Variants in PHLDB1 observed in about 807,000 individuals in gnomAD.
The protein encoded by PHLDB1 is pleckstrin homology-like domain family B member 1.
A neutral mutation model predicts 139.3 loss-of-function variants in PHLDB1; 65 were observed. The observed-to-expected ratio is 0.47, with a 90% CI of 0.38 to 0.57. The LOEUF (loss-of-function observed/expected upper bound fraction) is 0.57. PHLDB1 is among the 20% of genes least tolerant of loss of function. The probability of loss-of-function intolerance (pLI) is 0.00; values close to 1 mark genes in which losing one functional copy is unlikely to be tolerated. For missense variants in PHLDB1, 1,624 were observed against 1,839.7 expected, an observed-to-expected ratio of 0.88 and a Z score of 2.14; for synonymous variants, 679 against 734.5, an observed-to-expected ratio of 0.92 and a Z score of 1.22.
At chr11:118,624,458 GGTGTGGACT>G (rs1359738474) in intron 4 of PHLDB1, 2 of 177,550 alleles carry the variant, frequency 1.1e-5, no homozygotes, top group Non-Finnish European at 2.4e-5. Context: ...GGCAAGGTCA[GGTGTGGACT>G]GTGTGGACTC....
chr11:118,642,240 A>G lies in PHLDB1; in HGVS notation c.2737-14A>G, dbSNP rs781939460. On this transcript the variant is annotated splice_polypyrimidine_tract_variant and intron_variant, in intron 12 of 22. Coordinates refer to ENST00000600882, the MANE Select transcript of PHLDB1 (RefSeq NM_001144758.3). ...CCTCCTGTCCCCTTTTCCCCTCCCC[A>G]TTCCCACCTCCAGATGGAGAAGCTG... The G allele has an allele frequency of 1.2e-6, 2 of 1,603,142 alleles. No individual in the cohort carries two copies. Among genetic ancestry groups the G allele is most frequent in the East Asian group, 4.5e-5 (2 of 44,692 alleles).
At chr11:118,656,582 T>G in intron 22 of PHLDB1, 101 bp from the exon 23 acceptor site, 1 of 1,188,968 alleles carries the variant, frequency 8.4e-7, no homozygotes, top group Non-Finnish European at 1.2e-6. Flanking sequence ...CTCCAGGGCT[T>G]TCTAGGGGCT....
In PHLDB1 at chr11:118,632,497, G is replaced by T. The variant is rs560419586; in HGVS notation, c.2379+201G>T. The T allele has an allele frequency of 6.2e-5, 39 of 624,616 alleles. No individual in the cohort carries two copies. In the African/African-American group the frequency reaches 6.8e-4, roughly 11 times the overall value. 38.7% of individuals were successfully genotyped at this position (624,616 alleles called of 1,614,324 possible). ...GGAGGGCACTGCCAGGGGCTGGGCT[G>T]GTGTCTGGGGTCTCCTCTGTCTGGG... On this transcript the variant is annotated intron_variant, in intron 9 of 22. Coordinates refer to ENST00000600882, the MANE Select transcript of PHLDB1 (RefSeq NM_001144758.3). The surrounding 1 kb of genome is among the most constrained non-coding windows in gnomAD (Gnocchi z 5.9).
intron 5 of PHLDB1, among the ~76,000 whole-genome samples, chr11:118,626,621 G>A (rs1406301409): frequency 6.6e-6 from 1 of 151,980 alleles, no homozygotes; most frequent in Non-Finnish European, 1.5e-5. Flanking sequence ...GACCTCAGGT[G>A]ATACATCCAT....
Position 118,607,671 on chromosome 11 carries a change from G to A in PHLDB1, c.-50G>A, listed in dbSNP as rs1229521274. 7.0e-6 allele frequency: 1 copy of A among 143,260 alleles called. No individual in the cohort carries two copies. Among genetic ancestry groups the A allele is most frequent in the African/African-American group, 2.7e-5 (1 of 36,488 alleles). 8.9% of individuals were successfully genotyped at this position (143,260 alleles called of 1,614,324 possible). ...CGAGCCGAGCCAGGCTAAGGGACCAGTGTCTCCCTGCCCCCCCCCCACCTC... is the reference window on the plus strand; with the variant it reads ...CGAGCCGAGCCAGGCTAAGGGACCAATGTCTCCCTGCCCCCCCCCCACCTC... On this transcript the variant is annotated 5_prime_UTR_variant, in exon 1 of 23. In the 5' UTR this introduces an upstream ATG that the reference lacks. Coordinates refer to ENST00000600882, the MANE Select transcript of PHLDB1 (RefSeq NM_001144758.3).
At chr11:118,607,982 T>G (rs1939442878) in intron 1 of PHLDB1, among the ~76,000 whole-genome samples, 1 of 151,784 alleles carries the variant, frequency 6.6e-6, no homozygotes, top group African/African-American at 2.4e-5. Flanking sequence ...TTGGAGAAAC[T>G]CTGATCCTGG....
At chr11:118,613,105 A>C (rs2135716630) in intron 1 of PHLDB1, 1 of 156,984 alleles carries the variant, frequency 6.4e-6, no homozygotes, top group African/African-American at 2.4e-5. Flanking sequence ...TAGCCAATTA[A>C]GAACCCAAGA....
Position 118,628,578 on chromosome 11 carries a change from T to C in PHLDB1, c.1755T>C (p.Asn585=), listed in dbSNP as rs1944258601. The change falls in exon 6 of 23, where the codon AAT becomes AAC. Residue 585 remains asparagine (N), a synonymous_variant. Coordinates refer to ENST00000600882, the MANE Select transcript of PHLDB1 (RefSeq NM_001144758.3). ...ATAGCATCACAGAGATCAGTGACAA[T>C]GAGGACGACCTCCTGGAGTACCACC... ...RKNSITEISD[N]EDDLLEYHRR... 1 of 1,612,962 alleles carries C rather than the reference T, an allele frequency of 6.2e-7. No individual in the cohort carries two copies. The highest frequency in any genetic ancestry group is 8.5e-7 in the Non-Finnish European group (1 of 1,179,932).
intron 4 of PHLDB1, among the ~76,000 whole-genome samples, chr11:118,617,141 G>C (rs1281918743): frequency 1.3e-5 from 2 of 152,218 alleles, no homozygotes; most frequent in African/African-American, 4.8e-5. Context: ...GTAGCACTTT[G>C]ACAGACCAGG....
At position 118,645,934 on chromosome 11, in the gene PHLDB1, G is replaced by A; in HGVS notation, c.3507+109G>A. 1.3e-6 allele frequency: 1 copy of A among 776,590 alleles called. No homozygotes were observed. The allele number at this position is 776,590 out of a possible 1,614,324, so 48.1% of individuals were successfully genotyped here. On this transcript the variant is annotated intron_variant, in intron 17 of 22. Coordinates refer to ENST00000600882, the MANE Select transcript of PHLDB1 (RefSeq NM_001144758.3). This position sits in a 1 kb window ranked among gnomAD's most constrained non-coding sequence, Gnocchi z 5.1. ...AAGCCCTTCCACCCACATTAGCCTT[G>A]CCACATTCCCTTGGGGTAGAAAATG...
chr11:118,629,898 C>G (rs1410751382), intron 6 of PHLDB1: 1 of 654,832 alleles, frequency 1.5e-6, no homozygotes, highest in African/African-American at 1.9e-5. Flanking sequence ...CCTGACCTGC[C>G]TCACCTGCCA....
At chr11:118,641,715 G>A in intron 12 of PHLDB1, 1 of 1,289,778 alleles carries the variant, frequency 7.8e-7, no homozygotes. Flanking sequence ...CCCGGGACCT[G>A]GTTCCCACCA....
Position 118,627,901 on chromosome 11 carries a change from G to T in PHLDB1, c.1078G>T (p.Ala360Ser). The T allele has an allele frequency of 6.2e-7, 1 of 1,611,184 alleles. No homozygotes were observed. Among genetic ancestry groups the T allele is most frequent in the Middle Eastern group, 1.6e-4 (1 of 6,062 alleles). ...GCTGGGTGGGCAGCTGCCTGTGGTG[G>T]CCATCAGCCTGAGTGAATACCCAGC... The part of the protein sequence containing the change: ...PRLGGQLPVV[A>S]ISLSEYPASG... Residue 360 changes from alanine (A) to serine (S), a missense_variant, in exon 6 of 23, where the codon GCC becomes TCC. Ala to Ser is a moderately conservative substitution (Grantham distance 99). Transcript: ENST00000600882.
In PHLDB1 at chr11:118,610,011, A is replaced by T. The variant is rs1348540235; in HGVS notation, c.-22+2312A>T. 7.9e-6 allele frequency among the ~76,000 whole-genome samples: 1 copy of T among 127,138 alleles called. No homozygotes were observed. The highest frequency in any genetic ancestry group is 7.8e-5 in the Admixed American group (1 of 12,802). 83.4% of individuals were successfully genotyped at this position (127,138 alleles called of 152,430 possible). On this transcript the variant is annotated intron_variant, in intron 1 of 22. Coordinates refer to ENST00000600882, the MANE Select transcript of PHLDB1 (RefSeq NM_001144758.3). This position sits in a 1 kb window ranked among gnomAD's most constrained non-coding sequence, Gnocchi z 8.7. The stretch of plus-strand genomic sequence containing the variant: ...CCCCAGCCTCCCTCTCCTTCGCCCC[A>T]TCTCCCCGCCCGTCAGCCTCCCCTC...
At position 118,613,963 on chromosome 11, in the gene PHLDB1, T is replaced by C; in HGVS notation, c.60+67T>C. On this transcript the variant is annotated intron_variant, in intron 2 of 22. Coordinates refer to ENST00000600882, the MANE Select transcript of PHLDB1 (RefSeq NM_001144758.3). ...GGATGGGATCAGCTCTTCTACCCCC[T>C]TGTGGTCCCAGCCCAAGGATGAAAG... is the stretch of plus-strand genomic sequence containing the variant. 4 of 1,017,756 alleles carry C rather than the reference T, an allele frequency of 3.9e-6. No individual in the cohort carries two copies. The South Asian group carries it at 4.1e-5, about 10-fold the overall frequency. 63.0% of individuals were successfully genotyped at this position (1,017,756 alleles called of 1,614,324 possible). A position where few individuals can be genotyped will look rare whatever the true frequency, so the allele number is the denominator to read the frequency against.
chr11:118,628,255 C>A lies in PHLDB1; in HGVS notation c.1432C>A (p.Pro478Thr). 6.2e-7 allele frequency: 1 copy of A among 1,614,156 alleles called. No individual in the cohort carries two copies. The highest frequency in any genetic ancestry group is 8.5e-7 in the Non-Finnish European group (1 of 1,180,028). ...ALSPLPTRTT[P>T]DPKLNREVAE... The stretch of plus-strand genomic sequence containing the variant: ...CTCCCCGCTGCCCACCCGGACCACC[C>A]CAGATCCCAAGCTAAACAGGGAAGT... Residue 478 changes from proline (P) to threonine (T), a missense_variant, in exon 6 of 23, where the codon CCA (proline) becomes ACA (threonine). Physicochemically the swap from Pro to Thr is conservative, Grantham distance 38 (BLOSUM62 -1). Coordinates refer to ENST00000600882, the MANE Select transcript of PHLDB1 (RefSeq NM_001144758.3).
At position 118,650,420 on chromosome 11, in the gene PHLDB1, C is replaced by T. The variant is rs782815582; in HGVS notation, c.3772-25C>T. The T allele has an allele frequency of 9.1e-6, 14 of 1,537,494 alleles. No individual in the cohort carries two copies. The highest frequency in any genetic ancestry group is 1.2e-5 in the Non-Finnish European group (13 of 1,110,116). On this transcript the variant is annotated intron_variant, in intron 19 of 22. Coordinates refer to ENST00000600882, the MANE Select transcript of PHLDB1 (RefSeq NM_001144758.3). This position sits in a 1 kb window ranked among gnomAD's most constrained non-coding sequence, Gnocchi z 4.7. ...GGCTTAAGGGCTGCATATTTGGGTCCTTCCTTACTCCTGCTTCCTACCAGG... is the reference window on the plus strand; with the variant it reads ...GGCTTAAGGGCTGCATATTTGGGTCTTTCCTTACTCCTGCTTCCTACCAGG...
Position 118,620,219 on chromosome 11 carries a change from G to T in PHLDB1, c.355+4008G>T, listed in dbSNP as rs181363742. Among the ~76,000 whole-genome samples the T allele has an allele frequency of 6.6e-6, 1 of 152,264 alleles. No homozygotes were observed. The highest frequency in any genetic ancestry group is 2.4e-5 in the African/African-American group (1 of 41,478). On this transcript the variant is annotated intron_variant, in intron 4 of 22. Coordinates refer to ENST00000600882, the MANE Select transcript of PHLDB1 (RefSeq NM_001144758.3). The surrounding 1 kb of genome is among the most constrained non-coding windows in gnomAD (Gnocchi z 4.1). The stretch of plus-strand genomic sequence containing the variant: ...GTATTAATACCTGACTGGGCCGGGT[G>T]CAGTGGCTCACGCCTGTAATCCCAA...
At chr11:118,609,671 G>T (rs1939791859) in intron 1 of PHLDB1, among the ~76,000 whole-genome samples, 1 of 152,232 alleles carries the variant, frequency 6.6e-6, no homozygotes, top group Non-Finnish European at 1.5e-5. Context: ...TCCCGGCCGC[G>T]CAAACAAGCG....
Sources: allele counts gnomAD v4.1 joint callset (sites outside exome capture counted in the v4.1 genomes callset), GRCh38; gene constraint gnomAD v4.1.1; non-coding constraint Gnocchi (gnomAD v3.1); transcripts MANE v1.5; gene names NCBI Gene and HGNC (gene_info 2026-07-23, HGNC 2026-07-21).